Variants in CCND3 observed in about 807,000 individuals in gnomAD.
CCND3 encodes G1/S-specific cyclin-D3.
CCND3 carries 9 observed loss-of-function variants against 28.7 expected under a neutral mutation model. That is an observed-to-expected ratio of 0.31 (90% CI 0.19 to 0.55). The LOEUF is 0.55. CCND3 is among the 20% of genes least tolerant of loss of function. The pLI, the probability that CCND3 is intolerant of heterozygous loss-of-function variation, is 0.93. For missense variants in CCND3, 315 were observed against 385.8 expected, an observed-to-expected ratio of 0.82 and a Z score of 1.54; for synonymous variants, 164 against 163.9, an observed-to-expected ratio of 1.00 and a Z score of 0.00.
In CCND3 at chr6:42,033,288, C is replaced by T. The variant is rs545558703; in HGVS notation, c.-46+15213G>A. The stretch of plus-strand genomic sequence containing the variant: ...CCAACATGGTGAAACCTCCTCTCTA[C>T]AAAAACACAAAGTTAGCCGAGTGTG... On this transcript the variant is annotated intron_variant, in intron 1 of 4. Coordinates refer to the CCND3 transcript ENST00000372988. Among the ~76,000 whole-genome samples, 13 of 151,338 alleles carry T rather than the reference C, an allele frequency of 8.6e-5. No individual in the cohort carries two copies. The South Asian group carries it at 2.7e-3, about 32-fold the overall frequency.
rs9349205 is a variant in CCND3 at position 41,957,421 on chromosome 6, G to A, written c.-45-16836C>T. On this transcript the variant is annotated intron_variant, in intron 1 of 4. Transcript: ENST00000372988. ...CCACCTCTGGGCCTTATCACCCACC[G>A]CTGGCATCCTGCTTCTTTCTCCAAA... Among the ~76,000 whole-genome samples, 26,891 of 152,138 alleles carry A rather than the reference G, an allele frequency of 0.18. 2,977 individuals are homozygous for A. The highest frequency in any genetic ancestry group is 0.27 in the East Asian group (1,395 of 5,166).
At chr6:42,013,172 T>C (rs1190574560) in intron 1 of CCND3, among the ~76,000 whole-genome samples, 1 of 152,188 alleles carries the variant, frequency 6.6e-6, no homozygotes, top group Non-Finnish European at 1.5e-5. Context: ...AGGATCCAAC[T>C]TGATAATCAG....
At chr6:42,022,050 TG>T (rs1247135874) in intron 1 of CCND3, among the ~76,000 whole-genome samples, 1 of 152,188 alleles carries the variant, frequency 6.6e-6, no homozygotes, top group Non-Finnish European at 1.5e-5. Flanking sequence ...GTGCTGACCA[TG>T]GGGAAATCAC....
chr6:41,950,772 G>C (rs998574818), intron 1 of CCND3, among the ~76,000 whole-genome samples: 1 of 149,776 alleles, frequency 6.7e-6, no homozygotes, highest in Non-Finnish European at 1.5e-5. Flanking sequence ...GCAGTGGCGC[G>C]ATCTCAGCTC....
At chr6:41,977,442 C>G (rs1762215508) in intron 1 of CCND3, among the ~76,000 whole-genome samples, 1 of 152,172 alleles carries the variant, frequency 6.6e-6, no homozygotes, top group Non-Finnish European at 1.5e-5. Context: ...TCTCGTCTCA[C>G]TACAACCTCC....
chr6:41,937,767 C>T, intron 2 of CCND3: 1 of 261,612 alleles, frequency 3.8e-6, no homozygotes, highest in East Asian at 8.3e-5. Flanking sequence ...ACAGCATCAC[C>T]ATGAACTGGG....
In CCND3 at chr6:41,935,663, GTCCCA is replaced by G. The variant is rs1183236681; in HGVS notation, c.*272_*276del. ...AATGCTGGTGTATGTATCCAATTCTGTCCCATCAGCCTGGCCCACCCCCAGCTAGA... is the reference window on the plus strand; with the variant it reads ...AATGCTGGTGTATGTATCCAATTCTGTCAGCCTGGCCCACCCCCAGCTAGA... On this transcript the variant is annotated 3_prime_UTR_variant, in exon 5 of 5. Coordinates refer to ENST00000372991, the MANE Select transcript of CCND3 (RefSeq NM_001760.5). 1.9e-6 allele frequency: 1 copy of G among 533,528 alleles called. No homozygotes were observed. The highest frequency in any genetic ancestry group is 1.9e-5 in the African/African-American group (1 of 53,070). 33.0% of individuals were successfully genotyped at this position (533,528 alleles called of 1,614,324 possible).
intron 1 of CCND3, among the ~76,000 whole-genome samples, chr6:41,974,794 T>TC (rs199749199): frequency 6.7e-4 from 97 of 145,542 alleles, no homozygotes; most frequent in African/African-American, 1.4e-3. Flanking sequence ...CCACAGTTCT[T>TC]TTTTTTTTTT....
At chr6:41,949,568 C>CCGAGGCGGGCGGATCACAA (rs1776253740) in intron 1 of CCND3, among the ~76,000 whole-genome samples, 1 of 151,702 alleles carries the variant, frequency 6.6e-6, no homozygotes, top group Admixed American at 6.6e-5. Context: ...CTTTGGGAGG[C>CCGAGGCGGGCGGATCACAA]GGCGACAGAG....
chr6:41,973,308 C>T (rs1460638105), intron 1 of CCND3, among the ~76,000 whole-genome samples: 1 of 152,130 alleles, frequency 6.6e-6, no homozygotes, highest in Admixed American at 6.6e-5. Flanking sequence ...GCCCTAAATC[C>T]TTTAAAATAA....
chr6:41,952,099 A>G (rs1408879302), intron 1 of CCND3, among the ~76,000 whole-genome samples: 2 of 152,162 alleles, frequency 1.3e-5, no homozygotes, highest in Non-Finnish European at 2.9e-5. Context: ...CTAGCCAGGC[A>G]CTGAGAGCTG....
chr6:41,940,817 A>G, intron 1 of CCND3: 1 of 994,542 alleles, frequency 1.0e-6, no homozygotes, highest in Non-Finnish European at 1.6e-6. Flanking sequence ...TGGTAAAGCC[A>G]AGGAGCCCTT....
At chr6:42,025,684 G>A (rs925720514) in intron 1 of CCND3, among the ~76,000 whole-genome samples, 3 of 152,222 alleles carry the variant, frequency 2.0e-5, no homozygotes, top group Non-Finnish European at 4.4e-5. Flanking sequence ...CCTATCAGAT[G>A]CATTCATGGG....
chr6:41,950,741 C>G (rs1387214395), intron 1 of CCND3, among the ~76,000 whole-genome samples: 7 of 147,328 alleles, frequency 4.8e-5, no homozygotes, highest in Non-Finnish European at 1.0e-4. Context: ...TGGAGTCTCT[C>G]TCTGTCACCC....
chr6:42,022,194 A>T (rs1272060450), intron 1 of CCND3, among the ~76,000 whole-genome samples: 2 of 152,194 alleles, frequency 1.3e-5, no homozygotes, highest in African/African-American at 4.8e-5. Flanking sequence ...TTGCCAGGAA[A>T]CAGTTCCAAG....
intron 1 of CCND3, chr6:42,011,209 C>G (rs1334192509): frequency 6.6e-6 from 1 of 152,260 alleles, no homozygotes; most frequent in African/African-American, 2.4e-5. Flanking sequence ...CCTCAAACTC[C>G]TGGGCTCAAG....
At position 41,935,856 on chromosome 6, in the gene CCND3, T is replaced by A. The variant is rs1561948480; in HGVS notation, c.*84A>T. The A allele has an allele frequency of 1.6e-6, 2 of 1,261,670 alleles. No individual in the cohort carries two copies. The highest frequency in any genetic ancestry group is 2.5e-5 in the East Asian group (1 of 40,038). The allele number at this position is 1,261,670 out of a possible 1,614,324, so 78.2% of individuals were successfully genotyped here. ...GAACAGACGCCCCTTCAGGCTTAGA[T>A]GTGGTGTGGTTCCTGGAGGCAGGGA... On this transcript the variant is annotated 3_prime_UTR_variant, in exon 5 of 5. Coordinates refer to ENST00000372991, the MANE Select transcript of CCND3 (RefSeq NM_001760.5).
intron 1 of CCND3, among the ~76,000 whole-genome samples, chr6:42,030,400 G>C (rs1257390885): frequency 6.6e-6 from 1 of 152,052 alleles, no homozygotes; most frequent in Non-Finnish European, 1.5e-5. Context: ...GTGGAGCTGG[G>C]GATACCCCTA....
At chr6:42,008,491 C>T (rs138344119) in intron 1 of CCND3, among the ~76,000 whole-genome samples, 1 of 152,336 alleles carries the variant, frequency 6.6e-6, no homozygotes, top group African/African-American at 2.4e-5. Context: ...GCTTAGTGTG[C>T]AGCTTTCCAG....
Sources: gnomAD v4.1 joint callset for allele counts (sites outside exome capture counted in the v4.1 genomes callset) on GRCh38, gnomAD v4.1.1 for gene constraint, MANE v1.5 for transcripts, NCBI Gene and HGNC (gene_info 2026-07-23, HGNC 2026-07-21) for gene names.